The following HSPA4 variants were observed in gnomAD, a reference collection of about 807,000 sequenced individuals.
HSPA4 encodes the protein heat shock 70 kDa protein 4.
HSPA4 carries 25 observed loss-of-function variants against 106.2 expected under a neutral mutation model. That is an observed-to-expected ratio of 0.24 (90% CI 0.17 to 0.33). HSPA4 has a LOEUF of 0.33. Among genes scored for constraint, HSPA4 ranks in the 10% least tolerant of loss-of-function variants. The pLI is 1.00. For synonymous variants in HSPA4, 332 were observed against 333.6 expected, an observed-to-expected ratio of 1.00 and a Z score of 0.05; for missense variants, 841 against 996.0, an observed-to-expected ratio of 0.84 and a Z score of 2.10.
intron 6 of HSPA4, among the ~76,000 whole-genome samples, chr5:133,074,957 G>T (rs976654173): frequency 6.6e-6 from 1 of 152,162 alleles, no homozygotes; most frequent in Non-Finnish European, 1.5e-5. Context: ...TATTAAAATT[G>T]TTGGTGCCAA....
At chr5:133,103,809 GC>G in intron 17 of HSPA4, 55 bp from the exon 18 acceptor site, 1 of 1,433,316 alleles carries the variant, frequency 7.0e-7, no homozygotes, top group Non-Finnish European at 9.6e-7. Context: ...GACAGTAGTT[GC>G]GGGGAGGGAG....
chr5:133,065,151 T>C (rs1489013226), intron 2 of HSPA4, 114 bp downstream of exon 2: 7 of 811,340 alleles, frequency 8.6e-6, no homozygotes, highest in Non-Finnish European at 1.4e-5. Context: ...GGAATACAAC[T>C]GGCAGATACA....
rs760332023 is a variant in HSPA4, at chr5:133,089,048, A to G, written c.1138-7A>G. The stretch of plus-strand genomic sequence containing the variant: ...TTAAACGGAATTTTTGAAAATTATT[A>G]TTCTAGTGTGCCATCTTATCGCCTG... On this transcript the variant is annotated splice_polypyrimidine_tract_variant and splice_region_variant and intron_variant, in intron 9 of 18. Transcript: ENST00000304858. 1.3e-6 allele frequency: 2 copies of G among 1,540,072 alleles called. No homozygotes were observed. Among genetic ancestry groups the G allele is most frequent in the Non-Finnish European group, 1.8e-6 (2 of 1,125,156 alleles).
chr5:133,067,059 G>A (rs1022246457), intron 2 of HSPA4, among the ~76,000 whole-genome samples: 1 of 151,964 alleles, frequency 6.6e-6, no homozygotes, highest in African/African-American at 2.4e-5. Context: ...GTTGGTTCCT[G>A]GAAACTTTCA....
chr5:133,088,801 T>A (rs1765610287), intron 9 of HSPA4, among the ~76,000 whole-genome samples: 1 of 152,366 alleles, frequency 6.6e-6, no homozygotes, highest in African/African-American at 2.4e-5. Flanking sequence ...TTTGGCCTGT[T>A]ATGTATGTCT....
At chr5:133,090,002 T>C (rs1275759432) in intron 11 of HSPA4, among the ~76,000 whole-genome samples, 1 of 152,246 alleles carries the variant, frequency 6.6e-6, no homozygotes, top group Non-Finnish European at 1.5e-5. Context: ...ATGGCTGTTA[T>C]TTAATTGGAT....
At chr5:133,054,843 A>G (rs558206284) in intron 1 of HSPA4, among the ~76,000 whole-genome samples, 3 of 152,294 alleles carry the variant, frequency 2.0e-5, no homozygotes, top group African/African-American at 7.2e-5. Flanking sequence ...AAAAGGCTAA[A>G]GCGCTGAGTT....
At chr5:133,102,911 G>GTTTTTTTTTTT (rs1581483781) in intron 17 of HSPA4, among the ~76,000 whole-genome samples, 1 of 48,902 alleles carries the variant, frequency 2.0e-5, no homozygotes, top group African/African-American at 1.4e-4. Context: ...AACTAGGGTT[G>GTTTTTTTTTTT]TCTTTTTTTT....
At chr5:133,067,892 G>GTTT (rs1231361695) in intron 3 of HSPA4, among the ~76,000 whole-genome samples, 3 of 134,754 alleles carry the variant, frequency 2.2e-5, no homozygotes, top group Non-Finnish European at 3.2e-5. Context: ...AGCAATCACA[G>GTTT]TTTTTTTTTT....
At chr5:133,073,706 G>A (rs1765413169) in intron 5 of HSPA4, among the ~76,000 whole-genome samples, 1 of 152,142 alleles carries the variant, frequency 6.6e-6, no homozygotes, top group Admixed American at 6.5e-5. Context: ...TAGCATAGGG[G>A]TAGAAAAGAT....
intron 7 of HSPA4, among the ~76,000 whole-genome samples, chr5:133,079,569 C>G (rs1765489284): frequency 6.6e-6 from 1 of 152,108 alleles, no homozygotes; most frequent in African/African-American, 2.4e-5. Context: ...TACTTTTTAG[C>G]TATTGTGAAT....
Position 133,100,963 on chromosome 5 carries a change from G to A in HSPA4, c.2038-796G>A, listed in dbSNP as rs1192714572. On this transcript the variant is annotated intron_variant, in intron 16 of 18. Coordinates refer to ENST00000304858, the MANE Select transcript of HSPA4 (RefSeq NM_002154.4). The stretch of plus-strand genomic sequence containing the variant: ...TAGGACTACAGCTGTGCGCCATCAC[G>A]CCTGGCTGTTTTAATTTTTTTTGTA... Among the ~76,000 whole-genome samples, 8 of 152,124 alleles carry A rather than the reference G, an allele frequency of 5.3e-5. 1 individual carries two copies. The highest frequency in any genetic ancestry group is 1.4e-4 in the African/African-American group (6 of 41,488).
At chr5:133,096,842 T>C (rs1271777292) in intron 14 of HSPA4, among the ~76,000 whole-genome samples, 1 of 152,238 alleles carries the variant, frequency 6.6e-6, no homozygotes, top group African/African-American at 2.4e-5. Context: ...TCTTATCTCA[T>C]ATTAATACAG....
At chr5:133,080,099 A>G (rs113456483) in intron 7 of HSPA4, among the ~76,000 whole-genome samples, 18 of 151,824 alleles carry the variant, frequency 1.2e-4, no homozygotes, top group African/African-American at 4.1e-4. Flanking sequence ...TAGATGCCCA[A>G]ATGTTTTTGA....
At chr5:133,058,057 G>A (rs1331253105) in intron 1 of HSPA4, among the ~76,000 whole-genome samples, 1 of 152,176 alleles carries the variant, frequency 6.6e-6, no homozygotes, top group Non-Finnish European at 1.5e-5. Context: ...GATAATACAT[G>A]GAATAAAGGA....
intron 1 of HSPA4, among the ~76,000 whole-genome samples, chr5:133,059,672 C>G (rs576347808): frequency 2.3e-4 from 35 of 152,154 alleles, no homozygotes; most frequent in African/African-American, 7.7e-4. Flanking sequence ...TCTGATGGTC[C>G]TAATTTTGAA....
At chr5:133,090,173 G>A (rs952705733) in intron 11 of HSPA4, among the ~76,000 whole-genome samples, 2 of 152,008 alleles carry the variant, frequency 1.3e-5, no homozygotes, top group South Asian at 2.1e-4. Flanking sequence ...GGTGGCTCAC[G>A]CCTGTAATCC....
At chr5:133,070,623 C>T (rs774131147) in intron 4 of HSPA4, 127 bp downstream of exon 4, 21 of 1,121,400 alleles carry the variant, frequency 1.9e-5, no homozygotes, top group African/African-American at 6.3e-5. Flanking sequence ...TTTGTCAGGC[C>T]GGGTGCAGTG....
At chr5:133,097,425 A>AT (rs1765726216) in intron 15 of HSPA4, 139 bp downstream of exon 15, 2 of 570,742 alleles carry the variant, frequency 3.5e-6, no homozygotes, top group South Asian at 3.8e-5. Flanking sequence ...AAAATTTTAT[A>AT]TTTTTTTATA....
Sources: gnomAD v4.1 joint callset for allele counts (sites outside exome capture counted in the v4.1 genomes callset) on GRCh38, gnomAD v4.1.1 for gene constraint, MANE v1.5 for transcripts, NCBI Gene and HGNC (gene_info 2026-07-23, HGNC 2026-07-21) for gene names.